The following DGKG variants were observed in gnomAD, a reference collection of about 807,000 sequenced individuals.
The protein encoded by DGKG is diacylglycerol kinase gamma, also known as DAG kinase gamma.
Under a neutral mutation model 105.3 loss-of-function variants are expected in DGKG, and 78 were observed. The observed-to-expected ratio is 0.74, with a 90% CI of 0.62 to 0.89. The LOEUF is 0.89. Among genes scored for constraint, DGKG ranks in the 40% least tolerant of loss-of-function variants. The probability of loss-of-function intolerance (pLI) is 0.00; values close to 1 mark genes in which losing one functional copy is unlikely to be tolerated. For missense variants in DGKG, 958 were observed against 1,020.1 expected (o/e 0.94, Z 0.83); for synonymous variants, 346 against 367.1 (o/e 0.94, Z 0.66).
intron 22 of DGKG, among the ~76,000 whole-genome samples, chr3:186,184,945 T>C (rs1717550450): frequency 6.6e-6 from 1 of 152,150 alleles, no homozygotes; most frequent in Non-Finnish European, 1.5e-5. Flanking sequence ...TATAATTCTG[T>C]CCAAGAAAGA....
chr3:186,309,472 C>T (rs148429502), intron 2 of DGKG, among the ~76,000 whole-genome samples: 52 of 152,230 alleles, frequency 3.4e-4, no homozygotes, highest in African/African-American at 1.2e-3. Flanking sequence ...ACTCTGGAAA[C>T]AGGATGAAAG....
intron 1 of DGKG, among the ~76,000 whole-genome samples, chr3:186,338,331 C>A (rs191399211): frequency 6.6e-6 from 1 of 152,034 alleles, no homozygotes; most frequent in Non-Finnish European, 1.5e-5. Context: ...ATTTTATTCA[C>A]GGATAGGAAG....
rs1719847618 is a variant in DGKG, at chr3:186,226,098, A to G, written c.1827-14213T>C. ...TTCCACAATCATGGAACACTGAGAA[A>G]TGAACTTGACTCTAACTACTAGAAA... On this transcript the variant is annotated intron_variant, in intron 20 of 24. Transcript: ENST00000265022. This position sits in a 1 kb window ranked among gnomAD's most constrained non-coding sequence, Gnocchi z 4.2. Among the ~76,000 whole-genome samples the G allele has an allele frequency of 6.6e-6, 1 of 152,232 alleles. No individual in the cohort carries two copies. Among genetic ancestry groups the G allele is most frequent in the Admixed American group, 6.5e-5 (1 of 15,284 alleles).
rs952056215 is a variant in DGKG, at chr3:186,284,783, G to A, written c.545-74C>T. On this transcript the variant is annotated intron_variant, in intron 6 of 24. Coordinates refer to ENST00000265022, the MANE Select transcript of DGKG (RefSeq NM_001346.3). The surrounding 1 kb of genome is among the most constrained non-coding windows in gnomAD (Gnocchi z 4.0). ...GATGGCTGAAGTTTTGATGCTGCCA[G>A]GTTTTTAGATTAGTTCTGTCACCAC... The A allele has an allele frequency of 2.1e-5, 27 of 1,257,724 alleles. No individual in the cohort carries two copies. The highest frequency in any genetic ancestry group is 1.9e-4 in the Middle Eastern group (1 of 5,356). The allele number at this position is 1,257,724 out of a possible 1,614,324, so 77.9% of individuals were successfully genotyped here.
intron 5 of DGKG, among the ~76,000 whole-genome samples, chr3:186,297,061 G>GTCTC (rs1491157719): frequency 7.7e-5 from 2 of 26,106 alleles, no homozygotes; most frequent in African/African-American, 9.5e-5. Flanking sequence ...CTGTCTGTCT[G>GTCTC]TCTCTCTCAC....
At chr3:186,174,189 T>G (rs1243988301) in intron 22 of DGKG, among the ~76,000 whole-genome samples, 1 of 152,140 alleles carries the variant, frequency 6.6e-6, no homozygotes, top group Non-Finnish European at 1.5e-5. Context: ...ACTGGCAGGG[T>G]TGTCTCGAAG....
intron 14 of DGKG, among the ~76,000 whole-genome samples, chr3:186,262,215 G>A (rs1394433460): frequency 6.6e-6 from 1 of 152,268 alleles, no homozygotes; most frequent in South Asian, 2.1e-4. Context: ...TCCGGCCCCA[G>A]TTTCCTCCTG....
At chr3:186,348,974 A>AT (rs201683738) in intron 1 of DGKG, among the ~76,000 whole-genome samples, 25 of 151,700 alleles carry the variant, frequency 1.6e-4, no homozygotes, top group South Asian at 1.0e-3. Flanking sequence ...ATGTCAGGAA[A>AT]TTTTTTTTTA....
At chr3:186,160,327 T>C (rs1277813366) in intron 24 of DGKG, 27 of 985,318 alleles carry the variant, frequency 2.7e-5, no homozygotes, top group Non-Finnish European at 3.1e-5. Context: ...GTTTGATTTC[T>C]TCCACCTTTT....
rs991528534 is a variant in DGKG at position 186,150,199 on chromosome 3, A to C, written c.2278-11T>G. 1.8e-5 allele frequency: 29 copies of C among 1,606,448 alleles called. No homozygotes were observed. The highest frequency in any genetic ancestry group is 2.3e-5 in the Non-Finnish European group (27 of 1,175,568). ...GTGAGTAATTTTAATCTAAAAGCAA[A>C]GAGGCAGAAATGAATTAGTGGCATG... On this transcript the variant is annotated splice_polypyrimidine_tract_variant and intron_variant, in intron 24 of 24. Coordinates refer to ENST00000265022, the MANE Select transcript of DGKG (RefSeq NM_001346.3).
intron 24 of DGKG, chr3:186,160,726 T>C (rs1433904963): frequency 1.0e-6 from 1 of 985,324 alleles, no homozygotes; most frequent in African/African-American, 1.7e-5. Context: ...GCTGCAATCT[T>C]ATTGAGGGTA....
Position 186,253,153 on chromosome 3 carries a change from C to G in DGKG, c.1540G>C (p.Val514Leu). 3 of 1,614,220 alleles carry G rather than the reference C, an allele frequency of 1.9e-6. No homozygotes were observed. The highest frequency in any genetic ancestry group is 2.5e-6 in the Non-Finnish European group (3 of 1,180,028). ...CCTGTTCCAAGAGGCAGGACAGCCA[C>G]TGGTGGATGCTTTGCAAAGTTGGCC... Reference protein sequence around the residue: ...DKANFAKHPPVAVLPLGTGND... With the variant: ...DKANFAKHPPLAVLPLGTGND... The change falls in exon 18 of 25, where the codon GTG (valine) becomes CTG (leucine). Residue 514 changes from valine (V) to leucine (L), a missense_variant. Transcript: ENST00000265022.
rs113322116 is a variant in DGKG, at chr3:186,284,993, G to C, written c.545-284C>G. On this transcript the variant is annotated intron_variant, in intron 6 of 24. Coordinates refer to ENST00000265022, the MANE Select transcript of DGKG (RefSeq NM_001346.3). The surrounding 1 kb of genome is among the most constrained non-coding windows in gnomAD (Gnocchi z 4.0). Reference sequence around the variant, plus strand: ...CTGGGGAGCATGAACACATTTCAGCGTCACTAGAACACAACCTAAAGCAAA... The same window carrying C: ...CTGGGGAGCATGAACACATTTCAGCCTCACTAGAACACAACCTAAAGCAAA... Among the ~76,000 whole-genome samples, 4 of 152,200 alleles carry C rather than the reference G, an allele frequency of 2.6e-5. No homozygotes were observed. The highest frequency in any genetic ancestry group is 5.9e-5 in the Non-Finnish European group (4 of 68,034).
At position 186,148,888 on chromosome 3, in the gene DGKG, T is replaced by TAGGTAGTATGAGA. The variant is rs1283784206; in HGVS notation, c.*1201_*1202insTCTCATACTACCT. 1 of 983,268 alleles carries TAGGTAGTATGAGA rather than the reference T, an allele frequency of 1.0e-6. No homozygotes were observed. The highest frequency in any genetic ancestry group is 1.2e-6 in the Non-Finnish European group (1 of 829,264). The allele number at this position is 983,268 out of a possible 1,614,324, so 60.9% of individuals were successfully genotyped here. A position where few individuals can be genotyped will look rare whatever the true frequency, so the allele number is the denominator to read the frequency against. Reference sequence around the variant, plus strand: ...GGGGAGTGAGAACCTTCTTTTTCCTTACCACTTTCTGTCTCATACTACCTA... The same window carrying TAGGTAGTATGAGA: ...GGGGAGTGAGAACCTTCTTTTTCCTTAGGTAGTATGAGAACCACTTTCTGTCTCATACTACCTA... On this transcript the variant is annotated 3_prime_UTR_variant, in exon 25 of 25. Coordinates refer to ENST00000265022, the MANE Select transcript of DGKG (RefSeq NM_001346.3).
At chr3:186,219,447 A>G (rs1719460083) in intron 20 of DGKG, among the ~76,000 whole-genome samples, 1 of 152,222 alleles carries the variant, frequency 6.6e-6, no homozygotes, top group Admixed American at 6.5e-5. Flanking sequence ...CCTTTGGTTC[A>G]AGGGAAAGTG....
At chr3:186,182,751 C>T (rs1003893471) in intron 22 of DGKG, among the ~76,000 whole-genome samples, 59 of 152,022 alleles carry the variant, frequency 3.9e-4, no homozygotes, top group African/African-American at 1.4e-3. Flanking sequence ...CTGTCCTACT[C>T]CAGAATCTAC....
At chr3:186,195,112 A>T (rs1718116173) in intron 21 of DGKG, among the ~76,000 whole-genome samples, 1 of 151,730 alleles carries the variant, frequency 6.6e-6, no homozygotes, top group Non-Finnish European at 1.5e-5. Flanking sequence ...ATAAAAAAAA[A>T]ATTATGGGTA....
rs370161775 is a variant in DGKG at position 186,348,509 on chromosome 3, T to C, written c.-249+13437A>G. Among the ~76,000 whole-genome samples the C allele has an allele frequency of 1.3e-4, 20 of 148,728 alleles. No homozygotes were observed. The East Asian group carries it at 2.4e-3, about 18-fold the overall frequency. On this transcript the variant is annotated intron_variant, in intron 1 of 24. Transcript: ENST00000265022. ...CACTGTTGTTCAGGCTGGAGTGCAG[T>C]GCTGTGATCACGGCTCACTGCAGTC...
intron 1 of DGKG, among the ~76,000 whole-genome samples, chr3:186,347,265 G>A (rs1037824607): frequency 4.0e-5 from 6 of 151,652 alleles, no homozygotes; most frequent in Non-Finnish European, 2.9e-5. Flanking sequence ...TGGCTAACAC[G>A]GTGAAACCCT....
Sources: allele counts gnomAD v4.1 joint callset (sites outside exome capture counted in the v4.1 genomes callset), GRCh38; gene constraint gnomAD v4.1.1; non-coding constraint Gnocchi (gnomAD v3.1); transcripts MANE v1.5; gene names NCBI Gene and HGNC (gene_info 2026-07-23, HGNC 2026-07-21).